Variants in CA13 observed in about 807,000 individuals in gnomAD.
CA13 encodes carbonic anhydrase 13, also known as CA-XIII.
A neutral mutation model predicts 31.5 loss-of-function variants in CA13; 21 were observed. That is an observed-to-expected ratio of 0.67 (90% CI 0.47 to 0.96). The LOEUF (loss-of-function observed/expected upper bound fraction) is 0.96, where lower values mean the gene tolerates loss of function less well. CA13 is among the 40% of genes least tolerant of loss of function. The pLI is 0.00. For missense variants in CA13, 315 were observed against 318.9 expected (o/e 0.99, Z 0.09); for synonymous variants, 117 against 111.4 (o/e 1.05, Z -0.32).
In CA13 at chr8:85,259,514, T is replaced by G. The variant is rs1807349032; in HGVS notation, c.329T>G (p.Val110Gly). The change falls in exon 3 of 7, where the codon GTA becomes GGA. Residue 110 changes from valine (V) to glycine (G), a missense_variant. Coordinates refer to ENST00000321764, the MANE Select transcript of CA13 (RefSeq NM_198584.3). ...SADDHGSEHI[V>G]DGVSYAAELH... ...GATGACCACGGCTCCGAGCACATAG[T>G]AGATGGAGTGAGCTATGCTGCAGAG... The G allele has an allele frequency of 1.2e-6, 2 of 1,613,802 alleles. No homozygotes were observed. The highest frequency in any genetic ancestry group is 1.7e-5 in the Admixed American group (1 of 59,990).
In CA13 at chr8:85,250,929, A is replaced by G. The variant is rs1335034377; in HGVS notation, c.227A>G (p.Asn76Ser). 6.8e-6 allele frequency: 11 copies of G among 1,613,660 alleles called. No homozygotes were observed. Among genetic ancestry groups the G allele is most frequent in the Admixed American group, 1.7e-5 (1 of 59,992 alleles). The change falls in exon 2 of 7, where the codon AAC becomes AGC. Residue 76 changes from asparagine (N) to serine (S), a missense_variant. Transcript: ENST00000321764. ...AATGTTGACTTTGATGACACAGAGA[A>G]CAAATCAGGTTGGCTTTTCTTTTTT... ...SFNVDFDDTE[N>S]KSVLRGGPLT...
chr8:85,282,215 G>T lies in CA13; in HGVS notation c.*866G>T, dbSNP rs1479615253. 6.6e-6 allele frequency: 1 copy of T among 152,400 alleles called. No individual in the cohort carries two copies. The highest frequency in any genetic ancestry group is 1.5e-5 in the Non-Finnish European group (1 of 68,030). 9.4% of individuals were successfully genotyped at this position (152,400 alleles called of 1,614,324 possible). ...AAAATGAACAATATAAGAGTTAAGGGCAATGGGATAAAGCTACTTAATGTG... is the reference window on the plus strand; with the variant it reads ...AAAATGAACAATATAAGAGTTAAGGTCAATGGGATAAAGCTACTTAATGTG... On this transcript the variant is annotated 3_prime_UTR_variant, in exon 7 of 7. Transcript: ENST00000321764.
intron 3 of CA13, among the ~76,000 whole-genome samples, chr8:85,263,755 T>C (rs1250763870): frequency 2.0e-5 from 3 of 152,176 alleles, no homozygotes; most frequent in Non-Finnish European, 4.4e-5. Context: ...TTAGGCATTC[T>C]AGGCTCATGT....
chr8:85,280,096 A>G (rs949978375), intron 6 of CA13, among the ~76,000 whole-genome samples: 8 of 152,296 alleles, frequency 5.3e-5, no homozygotes, highest in Admixed American at 1.3e-4. Context: ...CCTGGCCAAC[A>G]TGGTGAAACC....
intron 2 of CA13, among the ~76,000 whole-genome samples, chr8:85,256,684 C>T (rs143565689): frequency 6.6e-6 from 1 of 152,270 alleles, no homozygotes; most frequent in East Asian, 1.9e-4. Context: ...GACAATGTGA[C>T]AATTATATAA....
rs1255689386 is a variant in CA13 at position 85,259,522 on chromosome 8, G to T, written c.337G>T (p.Val113Leu). 6.2e-7 allele frequency: 1 copy of T among 1,613,742 alleles called. No individual in the cohort carries two copies. Among genetic ancestry groups the T allele is most frequent in the African/African-American group, 1.3e-5 (1 of 74,920 alleles). The change falls in exon 3 of 7, where the codon GTG (valine) becomes TTG (leucine). Residue 113 changes from valine (V) to leucine (L), a missense_variant. Transcript: ENST00000321764. The stretch of plus-strand genomic sequence containing the variant: ...CGGCTCCGAGCACATAGTAGATGGA[G>T]TGAGCTATGCTGCAGAGGTAAGCCA... ...DHGSEHIVDG[V>L]SYAAELHVVH... is the part of the protein sequence containing the mutation.
intron 6 of CA13, among the ~76,000 whole-genome samples, chr8:85,276,973 A>C (rs532317324): frequency 8.5e-5 from 13 of 152,336 alleles, no homozygotes; most frequent in East Asian, 7.7e-4. Context: ...GTATCTAGCT[A>C]ATCTGGTGGG....
At chr8:85,279,383 C>G (rs889740454) in intron 6 of CA13, among the ~76,000 whole-genome samples, 3 of 152,178 alleles carry the variant, frequency 2.0e-5, no homozygotes, top group African/African-American at 7.2e-5. Flanking sequence ...AGAAACAAAT[C>G]TGAATGGGGA....
chr8:85,253,630 G>T (rs1439877283), intron 2 of CA13, among the ~76,000 whole-genome samples: 1 of 152,150 alleles, frequency 6.6e-6, no homozygotes, highest in Non-Finnish European at 1.5e-5. Flanking sequence ...ACTTTTCGGA[G>T]GAAATGCCAA....
chr8:85,276,076 C>T (rs1242320927), intron 6 of CA13, among the ~76,000 whole-genome samples: 2 of 151,160 alleles, frequency 1.3e-5, no homozygotes, highest in Non-Finnish European at 1.5e-5. Flanking sequence ...GAGGCGTGGG[C>T]GGGAAGTGGG....
chr8:85,270,176 G>C (rs1380528163), intron 6 of CA13, among the ~76,000 whole-genome samples: 4 of 152,088 alleles, frequency 2.6e-5, no homozygotes, highest in African/African-American at 4.8e-5. Context: ...CAATATCTTA[G>C]CAAGAACACA....
intron 6 of CA13, 53 bp downstream of exon 6, chr8:85,268,680 T>G (rs1324302777): frequency 1.1e-5 from 9 of 834,010 alleles, no homozygotes; most frequent in African/African-American, 2.5e-5. Context: ...AACTGGGCTT[T>G]TTTTTTTTTT....
intron 6 of CA13, among the ~76,000 whole-genome samples, chr8:85,271,680 T>G (rs1221142389): frequency 6.6e-6 from 1 of 152,204 alleles, no homozygotes; most frequent in Admixed American, 6.5e-5. Context: ...TCTTTTTTGT[T>G]TATTATATTT....
intron 3 of CA13, among the ~76,000 whole-genome samples, chr8:85,266,233 C>T (rs377321877): frequency 2.0e-5 from 3 of 152,206 alleles, no homozygotes; most frequent in Non-Finnish European, 4.4e-5. Flanking sequence ...CTCTGTTGCT[C>T]AGGCTGGAGT....
At chr8:85,276,661 G>T (rs1433812833) in intron 6 of CA13, among the ~76,000 whole-genome samples, 1 of 151,998 alleles carries the variant, frequency 6.6e-6, no homozygotes, top group Non-Finnish European at 1.5e-5. Context: ...CTACTCTGGT[G>T]GGGACTTGGA....
At chr8:85,258,141 C>T (rs1807326559) in intron 2 of CA13, among the ~76,000 whole-genome samples, 1 of 151,784 alleles carries the variant, frequency 6.6e-6, no homozygotes, top group South Asian at 2.1e-4. Context: ...ACTGGGATTA[C>T]AGGTGTGAGC....
Position 85,245,684 on chromosome 8 carries a change from C to G in CA13, c.-145C>G, listed in dbSNP as rs1348934901. On this transcript the variant is annotated 5_prime_UTR_variant, in exon 1 of 7. Coordinates refer to ENST00000321764, the MANE Select transcript of CA13 (RefSeq NM_198584.3). The stretch of plus-strand genomic sequence containing the variant: ...CGTCTGGAGGACGCAGGCGGGAGCG[C>G]CCCGGACCGGGTTCACGGTCTCGCA... The G allele has an allele frequency of 1.1e-6, 1 of 909,460 alleles. No homozygotes were observed. Among genetic ancestry groups the G allele is most frequent in the Admixed American group, 1.9e-5 (1 of 52,000 alleles). 56.3% of individuals were successfully genotyped at this position (909,460 alleles called of 1,614,324 possible).
chr8:85,276,620 A>G (rs970552021), intron 6 of CA13, among the ~76,000 whole-genome samples: 130 of 132,576 alleles, frequency 9.8e-4, no homozygotes, highest in Middle Eastern at 6.0e-3. Flanking sequence ...CTCAGGGTTT[A>G]TGAATGCACC....
At chr8:85,248,045 T>C (rs1813761436) in intron 1 of CA13, among the ~76,000 whole-genome samples, 1 of 152,266 alleles carries the variant, frequency 6.6e-6, no homozygotes, top group Non-Finnish European at 1.5e-5. Context: ...ATTCTTCCCC[T>C]AACCTTTGAC....
Sources: allele counts gnomAD v4.1 joint callset (sites outside exome capture counted in the v4.1 genomes callset), GRCh38; gene constraint gnomAD v4.1.1; transcripts MANE v1.5; gene names NCBI Gene and HGNC (gene_info 2026-07-23, HGNC 2026-07-21).